The following LINC00305 variants were observed in gnomAD, a reference collection of about 807,000 sequenced individuals.
LINC00305 encodes the protein long intergenic non-protein coding RNA 305.
At chr18:64,124,162 A>G (rs899720484) in intron 1 of LINC00305, among the ~76,000 whole-genome samples, 10 of 152,238 alleles carry the variant, frequency 6.6e-5, no homozygotes, top group Middle Eastern at 3.4e-3. Flanking sequence ...CTCCTCACTT[A>G]TCCACACACC....
chr18:64,127,736 C>T (rs1207584707), intron 1 of LINC00305, among the ~76,000 whole-genome samples: 1 of 152,094 alleles, frequency 6.6e-6, no homozygotes, highest in East Asian at 1.9e-4. Flanking sequence ...GTTCGAACTT[C>T]TACCTGCTAT....
At chr18:64,092,856 C>G (rs1310791944) in intron 3 of LINC00305, among the ~76,000 whole-genome samples, 1 of 152,166 alleles carries the variant, frequency 6.6e-6, no homozygotes, top group Admixed American at 6.5e-5. Context: ...TAAGGATGTA[C>G]TTGGGGTGAT....
exon 3 of LINC00305, chr18:64,097,933 G>C (rs1161423628): frequency 2.2e-6 from 1 of 457,872 alleles, no homozygotes; most frequent in Non-Finnish European, 4.4e-6. Flanking sequence ...AAACCAGAAG[G>C]CTGCTGACCA....
chr18:64,087,580 T>C (rs369907554), intron 3 of LINC00305, among the ~76,000 whole-genome samples: 5 of 152,330 alleles, frequency 3.3e-5, no homozygotes, highest in East Asian at 1.9e-4. Flanking sequence ...TTTTGAAATA[T>C]ATTTTAAAAA....
At chr18:64,093,864 G>A (rs1237725331) in intron 3 of LINC00305, among the ~76,000 whole-genome samples, 2 of 152,132 alleles carry the variant, frequency 1.3e-5, no homozygotes, top group Non-Finnish European at 2.9e-5. Context: ...AAACATGAGA[G>A]GTTCTAGGAA....
At chr18:64,132,000 C>T (rs1210917103) in intron 1 of LINC00305, among the ~76,000 whole-genome samples, 1 of 152,072 alleles carries the variant, frequency 6.6e-6, no homozygotes, top group Non-Finnish European at 1.5e-5. Context: ...CAAGGGTGTT[C>T]TTTATTTTTC....
intron 3 of LINC00305, among the ~76,000 whole-genome samples, chr18:64,097,550 G>T (rs1452366436): frequency 6.6e-6 from 1 of 151,716 alleles, no homozygotes; most frequent in Non-Finnish European, 1.5e-5. Context: ...TTTCAGATTT[G>T]CTTGTTCTTA....
chr18:64,103,243 C>G (rs764715589), intron 1 of LINC00305, among the ~76,000 whole-genome samples: 2 of 152,146 alleles, frequency 1.3e-5, no homozygotes, highest in Non-Finnish European at 2.9e-5. Context: ...CTCCTCTGTC[C>G]TCATCAATTC....
chr18:64,141,672 A>G (rs1049406878), intron 1 of LINC00305, among the ~76,000 whole-genome samples: 1 of 152,222 alleles, frequency 6.6e-6, no homozygotes, highest in African/African-American at 2.4e-5. Context: ...GTTATTAAAT[A>G]TGATAACTCA....
At chr18:64,147,453 C>T (rs1332941372) in intron 1 of LINC00305, 2 of 152,180 alleles carry the variant, frequency 1.3e-5, no homozygotes, top group African/African-American at 4.8e-5. Flanking sequence ...GCTATATCTG[C>T]TCTATCTTCT....
At chr18:64,135,711 G>A (rs1223995045) in intron 1 of LINC00305, among the ~76,000 whole-genome samples, 1 of 151,990 alleles carries the variant, frequency 6.6e-6, no homozygotes, top group Non-Finnish European at 1.5e-5. Flanking sequence ...TCAGCCTCCC[G>A]AGTAGCTGGG....
Position 64,143,126 on chromosome 18 carries a change from A to G in LINC00305, n.314+5649T>C, listed in dbSNP as rs368469986. On this transcript the variant is annotated intron_variant and non_coding_transcript_variant, in intron 1 of 3. Coordinates refer to ENST00000666468, the Ensembl canonical transcript of LINC00305. Reference sequence around the variant, plus strand: ...TGACGTCAGCATTATGAAACCAACCAGTAAAATTGGAGCTGAAGAAATGTA... The same window carrying G: ...TGACGTCAGCATTATGAAACCAACCGGTAAAATTGGAGCTGAAGAAATGTA... Among the ~76,000 whole-genome samples, 9 of 152,294 alleles carry G rather than the reference A, an allele frequency of 5.9e-5. 1 individual carries two copies. The highest frequency in any genetic ancestry group is 2.0e-4 in the Admixed American group (3 of 15,286).
At chr18:64,104,443 C>G (rs1439088720) in intron 1 of LINC00305, among the ~76,000 whole-genome samples, 2 of 152,128 alleles carry the variant, frequency 1.3e-5, no homozygotes, top group Non-Finnish European at 2.9e-5. Context: ...ATGTAAGCAT[C>G]CATAGAAAGA....
At chr18:64,104,138 G>A (rs1488560240) in intron 1 of LINC00305, 3 of 152,288 alleles carry the variant, frequency 2.0e-5, no homozygotes, top group African/African-American at 7.2e-5. Context: ...ATACCACCCA[G>A]AATGGGTAGC....
At chr18:64,082,083 A>G (rs2051187219) in intron 3 of LINC00305, among the ~76,000 whole-genome samples, 2 of 152,204 alleles carry the variant, frequency 1.3e-5, no homozygotes, top group Admixed American at 6.5e-5. Context: ...TAAGACTAAC[A>G]AATTGGCCAC....
At chr18:64,089,449 T>G (rs1163762057) in intron 3 of LINC00305, among the ~76,000 whole-genome samples, 1 of 152,238 alleles carries the variant, frequency 6.6e-6, no homozygotes, top group African/African-American at 2.4e-5. Flanking sequence ...GAAAATGGAC[T>G]AATACAGAGA....
Position 64,138,240 on chromosome 18 carries a change from C to T in LINC00305, n.314+10535G>A, listed in dbSNP as rs80330684. Among the ~76,000 whole-genome samples the T allele has an allele frequency of 8.1e-3, 1,240 of 152,232 alleles. 19 individuals are homozygous for T. The highest frequency in any genetic ancestry group is 0.029 in the African/African-American group (1,191 of 41,532). ...ATCAGTAAGAAAGATCCGGGCTGCTCTCTCATTACCTCTTTTTTTCCCCAC... is the reference window on the plus strand; with the variant it reads ...ATCAGTAAGAAAGATCCGGGCTGCTTTCTCATTACCTCTTTTTTTCCCCAC... On this transcript the variant is annotated intron_variant and non_coding_transcript_variant, in intron 1 of 3. Coordinates refer to ENST00000666468, the Ensembl canonical transcript of LINC00305.
intron 1 of LINC00305, among the ~76,000 whole-genome samples, chr18:64,145,866 T>C (rs2051495312): frequency 6.6e-6 from 1 of 152,172 alleles, no homozygotes; most frequent in South Asian, 2.1e-4. Flanking sequence ...CAAAGTTAGG[T>C]TAGCAGTACC....
At chr18:64,145,679 G>C (rs1224573867) in intron 1 of LINC00305, among the ~76,000 whole-genome samples, 1 of 152,130 alleles carries the variant, frequency 6.6e-6, no homozygotes, top group Non-Finnish European at 1.5e-5. Context: ...GCCTCCCAAA[G>C]TGCTGGGATT....
Sources: gnomAD v4.1 joint callset for allele counts (sites outside exome capture counted in the v4.1 genomes callset) on GRCh38, gnomAD v4.1.1 for gene constraint, MANE v1.5 for transcripts, NCBI Gene and HGNC (gene_info 2026-07-23, HGNC 2026-07-21) for gene names.